The following PLXNA4 variants were observed in gnomAD, a reference collection of about 807,000 sequenced individuals.
The protein encoded by PLXNA4 is plexin A4.
In PLXNA4, 44 loss-of-function variants were observed where a neutral mutation model predicts 191.8. The observed-to-expected ratio is 0.23, with a 90% CI of 0.18 to 0.29. The LOEUF is 0.29. Ranked by LOEUF, PLXNA4 falls within the 10% of genes least tolerant of loss-of-function variation. The pLI is 1.00. For synonymous variants in PLXNA4, 1,082 were observed against 1,009.5 expected (o/e 1.07, Z -1.36); for missense variants, 1,800 against 2,488.8 (o/e 0.72, Z 5.89).
At chr7:132,136,732 A>G (rs1054540307) in intron 30 of PLXNA4, among the ~76,000 whole-genome samples, 4 of 152,176 alleles carry the variant, frequency 2.6e-5, no homozygotes, top group African/African-American at 9.7e-5. Context: ...GATTGGGAAG[A>G]TGGTCTCCAA....
intron 1 of PLXNA4, among the ~76,000 whole-genome samples, chr7:132,518,639 C>A (rs1380394465): frequency 1.3e-5 from 2 of 152,210 alleles, no homozygotes; most frequent in Non-Finnish European, 2.9e-5. Context: ...CAGCACCAAG[C>A]TCAGCTACGC....
At chr7:132,133,598 T>C (rs555992291) in intron 30 of PLXNA4, among the ~76,000 whole-genome samples, 4 of 152,136 alleles carry the variant, frequency 2.6e-5, no homozygotes, top group African/African-American at 9.7e-5. Flanking sequence ...CCGAAGGCTC[T>C]TCCGAGCGGT....
At chr7:132,456,108 GTTC>G (rs1017098410) in intron 3 of PLXNA4, among the ~76,000 whole-genome samples, 10 of 140,974 alleles carry the variant, frequency 7.1e-5, no homozygotes, top group Middle Eastern at 7.4e-3. Context: ...CATCTCCTCT[GTTC>G]TTTTTTTTTT....
intron 2 of PLXNA4, among the ~76,000 whole-genome samples, chr7:132,585,151 T>C (rs1403851876): frequency 7.9e-5 from 12 of 152,168 alleles, no homozygotes; most frequent in Non-Finnish European, 1.5e-5. Flanking sequence ...TGTTTGGCAC[T>C]AGATTGATTA....
chr7:132,466,277 A>T (rs1421708672), intron 3 of PLXNA4, among the ~76,000 whole-genome samples: 2 of 152,130 alleles, frequency 1.3e-5, no homozygotes, highest in African/African-American at 4.8e-5. Flanking sequence ...GGCTGACCAC[A>T]CTCAGCTCAG....
At chr7:132,376,394 C>T (rs943224110) in intron 3 of PLXNA4, among the ~76,000 whole-genome samples, 4 of 152,210 alleles carry the variant, frequency 2.6e-5, no homozygotes, top group African/African-American at 9.7e-5. Flanking sequence ...GTGCCCACTG[C>T]ATCCCAATTA....
intron 3 of PLXNA4, chr7:132,485,062 A>T (rs747214630): frequency 5.6e-6 from 9 of 1,606,554 alleles, no homozygotes; most frequent in Admixed American, 1.7e-5. Flanking sequence ...AGAAAAAAAA[A>T]TTAGGAAGAT....
chr7:132,187,744 G>C, intron 14 of PLXNA4, 137 bp from the exon 15 acceptor site: 1 of 1,427,628 alleles, frequency 7.0e-7, no homozygotes, highest in Non-Finnish European at 9.2e-7. Flanking sequence ...GAGAACCAGG[G>C]CAGTTCTCTT....
At chr7:132,232,302 C>T (rs1478182179) in intron 5 of PLXNA4, among the ~76,000 whole-genome samples, 1 of 152,194 alleles carries the variant, frequency 6.6e-6, no homozygotes, top group Non-Finnish European at 1.5e-5. Flanking sequence ...TCCCCTGCTT[C>T]ATCCATTTCC....
intron 13 of PLXNA4, among the ~76,000 whole-genome samples, chr7:132,195,930 T>C (rs927177913): frequency 2.0e-5 from 3 of 152,232 alleles, no homozygotes; most frequent in Non-Finnish European, 4.4e-5. Flanking sequence ...GCTTCTATGT[T>C]TTATGTTTCT....
chr7:132,148,742 A>C, intron 25 of PLXNA4, 96 bp from the exon 26 acceptor site: 2 of 1,555,460 alleles, frequency 1.3e-6, no homozygotes, highest in South Asian at 1.2e-5. Context: ...TGCTAGCTCA[A>C]GGGTGTGTCC....
intron 2 of PLXNA4, among the ~76,000 whole-genome samples, chr7:132,586,684 C>T (rs532843616): frequency 7.9e-5 from 12 of 152,218 alleles, no homozygotes; most frequent in South Asian, 2.1e-4. Flanking sequence ...ACCTGGGAGG[C>T]GGAGGTTGCA....
At chr7:132,242,176 A>T (rs562524151) in intron 4 of PLXNA4, among the ~76,000 whole-genome samples, 14 of 146,574 alleles carry the variant, frequency 9.6e-5, no homozygotes, top group South Asian at 4.3e-4. Flanking sequence ...ATTTTACATC[A>T]TCCTCTTCCA....
intron 4 of PLXNA4, among the ~76,000 whole-genome samples, chr7:132,258,830 C>A (rs1051913706): frequency 1.1e-4 from 17 of 152,256 alleles, no homozygotes; most frequent in African/African-American, 4.1e-4. Context: ...GTTGCCTAAT[C>A]CAAACTTTTA....
At chr7:132,158,834 A>T (rs1391065281) in intron 25 of PLXNA4, among the ~76,000 whole-genome samples, 2 of 152,218 alleles carry the variant, frequency 1.3e-5, no homozygotes, top group Non-Finnish European at 2.9e-5. Flanking sequence ...TGAAATGCTT[A>T]TGCAAACCAT....
intron 3 of PLXNA4, among the ~76,000 whole-genome samples, chr7:132,463,578 C>A (rs1177128966): frequency 6.6e-6 from 1 of 152,162 alleles, no homozygotes; most frequent in Non-Finnish European, 1.5e-5. Context: ...AGAAACCAGC[C>A]CGTTTGTTGA....
In PLXNA4 at chr7:132,198,628, C is replaced by G. The variant is rs369306080; in HGVS notation, c.2595G>C (p.Pro865=). ...CTNPRITEII[P]VTGPREGGTK... ...TGCCCCCTTCCCGGGGGCCTGTCAC[C>G]GGGATTATCTGGAGGGAGGAAGAGA... The change falls in exon 13 of 32, where the codon CCG becomes CCC. Residue 865 remains proline (P), a synonymous_variant. Transcript: ENST00000321063. The G allele has an allele frequency of 1.2e-6, 2 of 1,614,082 alleles. No individual in the cohort carries two copies. Among genetic ancestry groups the G allele is most frequent in the Non-Finnish European group, 8.5e-7 (1 of 1,180,016 alleles).
chr7:132,327,822 C>T (rs1231288031), intron 3 of PLXNA4, among the ~76,000 whole-genome samples: 2 of 152,184 alleles, frequency 1.3e-5, no homozygotes, highest in African/African-American at 4.8e-5. Context: ...GGACACAAAG[C>T]CAGTCTCAGC....
intron 1 of PLXNA4, among the ~76,000 whole-genome samples, chr7:132,558,278 A>C (rs1800886915): frequency 6.6e-6 from 1 of 152,232 alleles, no homozygotes; most frequent in Non-Finnish European, 1.5e-5. Context: ...CCATTCTTTC[A>C]AAACAGTATG....
Sources: gnomAD v4.1 joint callset for allele counts (sites outside exome capture counted in the v4.1 genomes callset) on GRCh38, gnomAD v4.1.1 for gene constraint, MANE v1.5 for transcripts, NCBI Gene and HGNC (gene_info 2026-07-23, HGNC 2026-07-21) for gene names.